SOX5: variants seen among roughly 807,000 people sequenced by gnomAD.
The protein encoded by SOX5 is SRY-box transcription factor 5, also known as transcription factor SOX-5.
Under a neutral mutation model 92.0 loss-of-function variants are expected in SOX5, and 9 were observed. The ratio of observed to expected loss-of-function variants is 0.10; its 90% CI spans 0.06 to 0.17. The LOEUF is 0.17. Ranked by LOEUF, SOX5 falls within the 10% of genes least tolerant of loss-of-function variation. SOX5 has a pLI of 1.00. For synonymous variants in SOX5, 344 were observed against 336.3 expected, an observed-to-expected ratio of 1.02 and a Z score of -0.25; for missense variants, 642 against 944.5, an observed-to-expected ratio of 0.68 and a Z score of 4.20.
intron 8 of SOX5, 43 bp downstream of exon 8, chr12:23,640,769 A>G (rs1292603307): frequency 1.2e-5 from 17 of 1,423,260 alleles, no homozygotes; most frequent in Admixed American, 3.4e-5. Flanking sequence ...TGTTTTCGAT[A>G]TTTACTTAAC....
At chr12:24,549,244 A>C (rs890917866) in intron 1 of SOX5, among the ~76,000 whole-genome samples, 2 of 152,198 alleles carry the variant, frequency 1.3e-5, no homozygotes, top group Non-Finnish European at 2.9e-5. Context: ...ACAATTTGCA[A>C]TCATAAACGC....
chr12:24,003,224 G>GT (rs1345726395), intron 4 of SOX5, among the ~76,000 whole-genome samples: 2 of 152,056 alleles, frequency 1.3e-5, no homozygotes, highest in Non-Finnish European at 2.9e-5. Flanking sequence ...AAGACAGAAT[G>GT]TTTTTCCCCT....
chr12:24,432,094 C>A (rs1323446869), intron 1 of SOX5, among the ~76,000 whole-genome samples: 1 of 152,158 alleles, frequency 6.6e-6, no homozygotes. Flanking sequence ...ACTGGGGACA[C>A]TGGGCAAGCA....
At position 24,205,239 on chromosome 12, in the gene SOX5, T is replaced by G. The variant is rs540082823; in HGVS notation, c.-2+8104A>C. On this transcript the variant is annotated intron_variant, in intron 4 of 4. Coordinates refer to the SOX5 transcript ENST00000446891. The stretch of plus-strand genomic sequence containing the variant: ...CTTTACACTTTTGAAGTAGACACCA[T>G]ATATTACTCAATATACTTATCCCAA... Among the ~76,000 whole-genome samples the G allele has an allele frequency of 1.1e-4, 17 of 152,314 alleles. No homozygotes were observed. In the South Asian group the frequency reaches 3.5e-3, roughly 32 times the overall value.
At chr12:23,893,431 C>T (rs755739387) in intron 2 of SOX5, among the ~76,000 whole-genome samples, 9 of 150,352 alleles carry the variant, frequency 6.0e-5, no homozygotes, top group East Asian at 2.0e-4. Flanking sequence ...GGTGACAGGG[C>T]GGGACTCCAT....
At chr12:23,783,695 C>A (rs2095325415) in intron 3 of SOX5, among the ~76,000 whole-genome samples, 1 of 152,068 alleles carries the variant, frequency 6.6e-6, no homozygotes, top group Non-Finnish European at 1.5e-5. Context: ...AGAAATTTTT[C>A]TTTTCTTTTT....
intron 2 of SOX5, among the ~76,000 whole-genome samples, chr12:24,292,092 G>A (rs146411397): frequency 0.012 from 1,781 of 152,294 alleles, 20 homozygotes; most frequent in Middle Eastern, 0.02. Context: ...GTAAGGACTG[G>A]AACTAAGGAG....
chr12:23,600,558 T>TATATATAC (rs1555191175), intron 9 of SOX5, among the ~76,000 whole-genome samples: 1 of 130,364 alleles, frequency 7.7e-6, no homozygotes, highest in Non-Finnish European at 1.7e-5. Context: ...TATATACACA[T>TATATATAC]ACTTGGCTTG....
intron 11 of SOX5, among the ~76,000 whole-genome samples, chr12:23,551,108 C>A (rs1944120134): frequency 6.6e-6 from 1 of 151,920 alleles, no homozygotes; most frequent in Non-Finnish European, 1.5e-5. Flanking sequence ...AAAGCACATG[C>A]ATGAAATGAC....
intron 1 of SOX5, among the ~76,000 whole-genome samples, chr12:23,944,523 TAA>T (rs1937902284): frequency 6.6e-6 from 1 of 152,068 alleles, no homozygotes; most frequent in South Asian, 2.1e-4. Context: ...TCAGAAAGAA[TAA>T]AAAGGTCTTC....
intron 9 of SOX5, among the ~76,000 whole-genome samples, chr12:23,602,586 T>A (rs1183157155): frequency 1.3e-5 from 2 of 151,964 alleles, no homozygotes; most frequent in African/African-American, 4.8e-5. Context: ...GAGCTACATA[T>A]CCTAAAATCA....
chr12:23,749,335 C>A (rs759065831), intron 4 of SOX5, among the ~76,000 whole-genome samples: 1 of 151,864 alleles, frequency 6.6e-6, no homozygotes, highest in African/African-American at 2.4e-5. Flanking sequence ...TAATTGACAT[C>A]TTCTTGTACC....
chr12:24,094,512 T>C (rs868078756), intron 4 of SOX5, among the ~76,000 whole-genome samples: 10 of 151,286 alleles, frequency 6.6e-5, no homozygotes, highest in Admixed American at 4.6e-4. Context: ...GAAAATATCA[T>C]TTACAAAATG....
intron 4 of SOX5, among the ~76,000 whole-genome samples, chr12:23,977,179 T>A (rs1949013093): frequency 6.6e-6 from 1 of 152,182 alleles, no homozygotes; most frequent in Non-Finnish European, 1.5e-5. Flanking sequence ...CAAGATTAAT[T>A]TCTTTCAATA....
chr12:23,924,807 T>C (rs933408107), intron 1 of SOX5, among the ~76,000 whole-genome samples: 1 of 151,972 alleles, frequency 6.6e-6, no homozygotes, highest in Non-Finnish European at 1.5e-5. Flanking sequence ...TTCAACAAGG[T>C]CAGTATTTTT....
Position 24,393,429 on chromosome 12 carries a change from A to G in SOX5, c.-250-24790T>C, listed in dbSNP as rs1596243977. Among the ~76,000 whole-genome samples the G allele has an allele frequency of 6.6e-6, 1 of 152,310 alleles. No homozygotes were observed. The highest frequency in any genetic ancestry group is 1.9e-4 in the East Asian group (1 of 5,182). On this transcript the variant is annotated intron_variant, in intron 1 of 4. Coordinates refer to the SOX5 transcript ENST00000446891. The surrounding 1 kb of genome is among the most constrained non-coding windows in gnomAD (Gnocchi z 5.0). ...AGAATGACAATCCAGTATGACAGAA[A>G]AGGGTTTTGCAAGGGCTTGGAGGAT...
At position 23,810,143 on chromosome 12, in the gene SOX5, C is replaced by T. The variant is rs1024838652; in HGVS notation, c.481+35840G>A. ...CAGGTGCAATACTATCTTCTGTCTCCTAACTTCTTTATGATATCTCGCCTT... is the reference window on the plus strand; with the variant it reads ...CAGGTGCAATACTATCTTCTGTCTCTTAACTTCTTTATGATATCTCGCCTT... On this transcript the variant is annotated intron_variant, in intron 3 of 14. Transcript: ENST00000451604. 3.9e-5 allele frequency among the ~76,000 whole-genome samples: 6 copies of T among 152,206 alleles called. No individual in the cohort carries two copies. In the South Asian group the frequency reaches 1.2e-3, roughly 32 times the overall value.
chr12:24,478,067 C>T (rs1761228333), intron 1 of SOX5, among the ~76,000 whole-genome samples: 1 of 152,146 alleles, frequency 6.6e-6, no homozygotes, highest in Admixed American at 6.5e-5. Context: ...GTGAATTTGT[C>T]TAACACCTAA....
At position 24,393,482 on chromosome 12, in the gene SOX5, G is replaced by A. The variant is rs754548488; in HGVS notation, c.-250-24843C>T. ...TCAGCTTTAGGGTCATCTGTACTGAGTCTACCACCCACCCCAAAATAAGTA... is the reference window on the plus strand; with the variant it reads ...TCAGCTTTAGGGTCATCTGTACTGAATCTACCACCCACCCCAAAATAAGTA... On this transcript the variant is annotated intron_variant, in intron 1 of 4. Transcript: ENST00000446891. The surrounding 1 kb of genome is among the most constrained non-coding windows in gnomAD (Gnocchi z 5.0). Among the ~76,000 whole-genome samples the A allele has an allele frequency of 2.6e-5, 4 of 152,170 alleles. No individual in the cohort carries two copies. In the East Asian group the frequency reaches 5.8e-4, roughly 22 times the overall value.
Sources: allele counts gnomAD v4.1 joint callset (sites outside exome capture counted in the v4.1 genomes callset), GRCh38; gene constraint gnomAD v4.1.1; non-coding constraint Gnocchi (gnomAD v3.1); transcripts MANE v1.5; gene names NCBI Gene and HGNC (gene_info 2026-07-23, HGNC 2026-07-21).